The following SP140 variants were observed in gnomAD, a reference collection of about 807,000 sequenced individuals.
SP140 encodes SP140 nuclear body protein, also known as nuclear body protein SP140.
SP140 carries 81 observed loss-of-function variants against 125.0 expected under a neutral mutation model. The ratio of observed to expected loss-of-function variants is 0.65; its 90% CI spans 0.54 to 0.78. The LOEUF is 0.78. Among genes scored for constraint, SP140 ranks in the 30% least tolerant of loss-of-function variants. The probability of loss-of-function intolerance (pLI) is 0.00; values close to 1 mark genes in which losing one functional copy is unlikely to be tolerated. For synonymous variants in SP140, 312 were observed against 354.0 expected (o/e 0.88, Z 1.33); for missense variants, 858 against 1,037.0 (o/e 0.83, Z 2.37).
chr2:230,298,474 T>C (rs77461858), intron 22 of SP140, among the ~76,000 whole-genome samples: 2 of 152,304 alleles, frequency 1.3e-5, no homozygotes, highest in East Asian at 3.9e-4. Flanking sequence ...TGAGGGACTT[T>C]TCAATAATTA....
At chr2:230,300,149 A>G (rs977498409) in intron 22 of SP140, among the ~76,000 whole-genome samples, 1 of 152,186 alleles carries the variant, frequency 6.6e-6, no homozygotes, top group South Asian at 2.1e-4. Context: ...TATTACTTGC[A>G]GCTGATGGTC....
At chr2:230,241,585 G>A in intron 4 of SP140, 98 bp downstream of exon 4, 2 of 726,516 alleles carry the variant, frequency 2.8e-6, no homozygotes, top group African/African-American at 1.7e-5. Flanking sequence ...TTAGCCCTCT[G>A]TTATCTCCCA....
chr2:230,217,638 A>T (rs983685387), intron 3 of SP140, among the ~76,000 whole-genome samples: 1 of 152,202 alleles, frequency 6.6e-6, no homozygotes, highest in African/African-American at 2.4e-5. Flanking sequence ...CTGTTGAGGA[A>T]CTGAGACACA....
intron 1 of SP140, among the ~76,000 whole-genome samples, chr2:230,229,614 C>T: frequency 6.6e-6 from 1 of 151,268 alleles, no homozygotes; most frequent in Non-Finnish European, 1.5e-5. Flanking sequence ...ACTACAGGCG[C>T]CCACCACCAC....
upstream of SP140, chr2:230,221,606 T>G: frequency 6.8e-6 from 8 of 1,171,702 alleles, no homozygotes; most frequent in South Asian, 2.6e-5. Context: ...GAGGGTGCAT[T>G]GATGCCTCAG....
chr2:230,280,056 C>G (rs952222653), intron 15 of SP140, among the ~76,000 whole-genome samples: 10 of 152,094 alleles, frequency 6.6e-5, no homozygotes, highest in African/African-American at 2.4e-4. Context: ...TTTTATCAAG[C>G]ACAACTTTCT....
Position 230,262,911 on chromosome 2 carries a change from G to C in SP140, c.1241-6621G>C, listed in dbSNP as rs185798633. Among the ~76,000 whole-genome samples, 205 of 152,212 alleles carry C rather than the reference G, an allele frequency of 1.3e-3. 1 individual carries two copies. The highest frequency in any genetic ancestry group is 4.4e-3 in the African/African-American group (183 of 41,540). The stretch of plus-strand genomic sequence containing the variant: ...TATCTTGGAGAAAGTTCCATGCACT[G>C]TTAAATAGAATGTATATTCTGTGGT... On this transcript the variant is annotated intron_variant, in intron 12 of 26. Coordinates refer to ENST00000392045, the MANE Select transcript of SP140 (RefSeq NM_007237.5).
intron 15 of SP140, among the ~76,000 whole-genome samples, chr2:230,274,111 TA>T (rs34151475): frequency 0.16 from 23,002 of 141,438 alleles, 2,920 homozygotes; most frequent in African/African-American, 0.37. Context: ...ACTTAAAGTA[TA>T]AAAAAAAAAA....
At chr2:230,254,116 T>C (rs2050784883) in intron 11 of SP140, among the ~76,000 whole-genome samples, 1 of 152,108 alleles carries the variant, frequency 6.6e-6, no homozygotes, top group Non-Finnish European at 1.5e-5. Flanking sequence ...GAGAAAATTA[T>C]ACAAATGGAG....
At chr2:230,294,788 C>A (rs1280723975) in intron 21 of SP140, among the ~76,000 whole-genome samples, 1 of 152,128 alleles carries the variant, frequency 6.6e-6, no homozygotes, top group Admixed American at 6.5e-5. Flanking sequence ...ATGCATGAAA[C>A]CATATATCAT....
Position 230,215,077 on chromosome 2 carries a change from T to C in SP140, c.-91+1003T>C, listed in dbSNP as rs1335621440. On this transcript the variant is annotated intron_variant, in intron 3 of 4. Coordinates refer to the SP140 transcript ENST00000456542. Reference sequence around the variant, plus strand: ...GTTGGGTGAGAATGTTGTGCACCACTCTGGATACAGGGATCAAATTTCTAC... The same window carrying C: ...GTTGGGTGAGAATGTTGTGCACCACCCTGGATACAGGGATCAAATTTCTAC... The C allele has an allele frequency of 6.2e-7, 1 of 1,613,804 alleles. No homozygotes were observed. The highest frequency in any genetic ancestry group is 2.2e-5 in the East Asian group (1 of 44,892).
intron 3 of SP140, chr2:230,216,856 G>C (rs1291372365): frequency 6.2e-7 from 1 of 1,614,080 alleles, no homozygotes; most frequent in Non-Finnish European, 8.5e-7. Context: ...GTATGGCATA[G>C]GCGATCCCCA....
intron 13 of SP140, 89 bp downstream of exon 13, chr2:230,269,707 A>G: frequency 3.7e-6 from 4 of 1,066,826 alleles, no homozygotes; most frequent in Non-Finnish European, 5.6e-6. Flanking sequence ...AGGAAGAGTC[A>G]AATATAAGGA....
intron 7 of SP140, among the ~76,000 whole-genome samples, chr2:230,247,532 T>G (rs2049647485): frequency 6.6e-6 from 1 of 152,206 alleles, no homozygotes; most frequent in African/African-American, 2.4e-5. Flanking sequence ...CAACAGCCTC[T>G]AGACTCACAT....
intron 1 of SP140, chr2:230,203,627 T>G (rs992291486): frequency 6.9e-5 from 8 of 116,244 alleles, no homozygotes; most frequent in South Asian, 7.8e-4. Flanking sequence ...AAGTTTAGGG[T>G]TTTTTTTCTG....
chr2:230,287,961 C>T lies in SP140; in HGVS notation c.1715C>T (p.Ser572Leu), dbSNP rs751656139. The T allele has an allele frequency of 6.8e-6, 11 of 1,610,614 alleles. 2 individuals carry two copies. The South Asian group carries it at 1.1e-4, about 16-fold the overall frequency. The change falls in exon 18 of 27, where the codon TCA (serine) becomes TTA (leucine). Residue 572 changes from serine (S) to leucine (L), a missense_variant. Transcript: ENST00000392045. Reference protein sequence around the residue: ...SDRAAQKRVRSRASRKHKDET... With the variant: ...SDRAAQKRVRLRASRKHKDET... Reference sequence around the variant, plus strand: ...AGAGCTGCACAGAAAAGAGTCCGATCAAGAGGTAAAAAAGAAAACAGGAAT... The same window carrying T: ...AGAGCTGCACAGAAAAGAGTCCGATTAAGAGGTAAAAAAGAAAACAGGAAT...
rs535736383 is a variant in SP140, at chr2:230,232,134, GGC to G, written c.60-4948_60-4947del. 5.9e-5 allele frequency among the ~76,000 whole-genome samples: 9 copies of G among 152,266 alleles called. No homozygotes were observed. In the East Asian group the frequency reaches 1.7e-3, roughly 29 times the overall value. ...AGGCCCTTGTCATGGAGAATGCTTT[GGC>G]TTTTTAAAAACTTTTCTTTTCCCTC... is the stretch of plus-strand genomic sequence containing the variant. On this transcript the variant is annotated intron_variant, in intron 1 of 26. Transcript: ENST00000392045.
intron 12 of SP140, among the ~76,000 whole-genome samples, chr2:230,262,084 C>T (rs1000458563): frequency 2.6e-5 from 4 of 151,972 alleles, no homozygotes; most frequent in Non-Finnish European, 2.9e-5. Context: ...TGATCCTGAA[C>T]TTTTTTTTGT....
intron 22 of SP140, among the ~76,000 whole-genome samples, chr2:230,306,861 G>T (rs2058809201): frequency 6.6e-6 from 1 of 152,210 alleles, no homozygotes; most frequent in South Asian, 2.1e-4. Context: ...GCTCCTGGGT[G>T]GGAAGGGGCA....
Sources: gnomAD v4.1 joint callset for allele counts (sites outside exome capture counted in the v4.1 genomes callset) on GRCh38, gnomAD v4.1.1 for gene constraint, MANE v1.5 for transcripts, NCBI Gene and HGNC (gene_info 2026-07-23, HGNC 2026-07-21) for gene names.